The following MACF1 variants were observed in gnomAD, a reference collection of about 807,000 sequenced individuals.
The protein encoded by MACF1 is microtubule-actin cross-linking factor 1.
In MACF1, 193 loss-of-function variants were observed where a neutral mutation model predicts 854.8. The observed-to-expected ratio is 0.23, with a 90% CI of 0.20 to 0.25. The LOEUF (loss-of-function observed/expected upper bound fraction) is 0.25. Among genes scored for constraint, MACF1 ranks in the 10% least tolerant of loss-of-function variants. The pLI is 1.00. For synonymous variants in MACF1, 3,185 were observed against 3,226.7 expected (o/e 0.99, Z 0.44); for missense variants, 7,722 against 8,929.1 (o/e 0.86, Z 5.45).
intron 1 of MACF1, among the ~76,000 whole-genome samples, chr1:39,210,929 C>G (rs544917186): frequency 7.0e-6 from 1 of 143,278 alleles, no homozygotes; most frequent in Non-Finnish European, 1.5e-5. Flanking sequence ...CTCCCTCCCT[C>G]CCTCCCTCTC....
chr1:39,219,737 A>C (rs1644625747), intron 1 of MACF1, among the ~76,000 whole-genome samples: 1 of 152,176 alleles, frequency 6.6e-6, no homozygotes, highest in Non-Finnish European at 1.5e-5. Context: ...GAGTGGGAGT[A>C]CCTGCTCCCT....
At chr1:39,150,613 A>G (rs987675882) in intron 2 of MACF1, among the ~76,000 whole-genome samples, 1 of 152,194 alleles carries the variant, frequency 6.6e-6, no homozygotes, top group Admixed American at 6.5e-5. Context: ...ATTCTTGAAG[A>G]ATGGTATATA....
chr1:39,401,925 G>A (rs1642488480), intron 58 of MACF1, among the ~76,000 whole-genome samples: 1 of 151,976 alleles, frequency 6.6e-6, no homozygotes, highest in Non-Finnish European at 1.5e-5. Context: ...ATATTGAGGA[G>A]CAGGGGCTGG....
At chr1:39,139,568 CT>C (rs201522855) in intron 2 of MACF1, among the ~76,000 whole-genome samples, 9 of 149,282 alleles carry the variant, frequency 6.0e-5, no homozygotes, top group South Asian at 2.1e-4. Context: ...GTGCTTTCTG[CT>C]TTTTTTTTTC....
intron 2 of MACF1, among the ~76,000 whole-genome samples, chr1:39,196,381 C>G (rs1644320390): frequency 6.6e-6 from 1 of 152,126 alleles, no homozygotes; most frequent in Non-Finnish European, 1.5e-5. Context: ...ACCACATTGC[C>G]AAACCTTAGA....
At chr1:39,216,163 T>C (rs1365533318) in intron 1 of MACF1, among the ~76,000 whole-genome samples, 1 of 151,592 alleles carries the variant, frequency 6.6e-6, no homozygotes, top group Non-Finnish European at 1.5e-5. Context: ...ATAAAGAAAA[T>C]GTAGTGTGTC....
chr1:39,268,916 G>T, intron 6 of MACF1: 5 of 1,288,228 alleles, frequency 3.9e-6, no homozygotes, highest in Non-Finnish European at 5.1e-6. Flanking sequence ...GTCTCCAAAA[G>T]GAAGACGGAG....
chr1:39,096,588 C>CA lies in MACF1; in HGVS notation c.220+12167dup, dbSNP rs61542154. Among the ~76,000 whole-genome samples, 190 of 139,178 alleles carry CA rather than the reference C, an allele frequency of 1.4e-3. 1 individual carries two copies. The highest frequency in any genetic ancestry group is 3.1e-3 in the African/African-American group (115 of 36,902). The allele number at this position is 139,178 out of a possible 152,430, so 91.3% of individuals were successfully genotyped here. Reference sequence around the variant, plus strand: ...TTGGTGACAGAGCAAGACTCTATCTCAAAAAAAAAAAAAAAAATCAGAAAG... The same window carrying CA: ...TTGGTGACAGAGCAAGACTCTATCTCAAAAAAAAAAAAAAAAAATCAGAAAG... On this transcript the variant is annotated intron_variant, in intron 2 of 93. Coordinates refer to the MACF1 transcript ENST00000361689.
At chr1:39,250,208 A>C in intron 3 of MACF1, 105 bp downstream of exon 3, 1 of 645,026 alleles carries the variant, frequency 1.6e-6, no homozygotes, top group Non-Finnish European at 2.7e-6. Flanking sequence ...TTCATCTATT[A>C]GAGGGGAGGA....
In MACF1 at chr1:39,116,382, GTGTA is replaced by G. The variant is rs1037390372; in HGVS notation, c.220+31948_220+31951del. ...AGGAGGAAGGAAAGAAGGGGTGAGT[GTGTA>G]TGTGTGTGTGTGTGTGTGCACGTGT... On this transcript the variant is annotated intron_variant, in intron 2 of 93. Coordinates refer to the MACF1 transcript ENST00000361689. Among the ~76,000 whole-genome samples, 4 of 125,864 alleles carry G rather than the reference GTGTA, an allele frequency of 3.2e-5. No individual in the cohort carries two copies. The East Asian group carries it at 8.4e-4, about 26-fold the overall frequency. The allele number at this position is 125,864 out of a possible 152,430, so 82.6% of individuals were successfully genotyped here. A position where few individuals can be genotyped will look rare whatever the true frequency, so the allele number is the denominator to read the frequency against.
intron 2 of MACF1, among the ~76,000 whole-genome samples, chr1:39,106,808 C>A (rs937013586): frequency 2.8e-5 from 4 of 141,068 alleles, no homozygotes; most frequent in Admixed American, 2.1e-4. Context: ...CCCTCCCCCC[C>A]ACTTTTTTTT....
chr1:39,247,322 C>T (rs1021530854), intron 2 of MACF1, among the ~76,000 whole-genome samples: 6 of 152,126 alleles, frequency 3.9e-5, no homozygotes, highest in African/African-American at 4.8e-5. Flanking sequence ...CCGCCCGTCT[C>T]GGCCTCCCAA....
At position 39,452,301 on chromosome 1, in the gene MACF1, G is replaced by A; in HGVS notation, c.20564G>A (p.Cys6855Tyr). The part of the protein sequence containing the change: ...QELSTRWDTV[C>Y]KLSVSKQSRL... Reference sequence around the variant, plus strand: ...CTGAGCACTCGCTGGGACACTGTCTGTAAACTCTCTGTTTCCAAACAAAGC... The same window carrying A: ...CTGAGCACTCGCTGGGACACTGTCTATAAACTCTCTGTTTCCAAACAAAGC... Residue 6855 changes from cysteine (C) to tyrosine (Y), a missense_variant, in exon 86 of 101, where the codon TGT becomes TAT. Around this residue, in one of 15 missense-constraint regions of MACF1, gnomAD observed 729 missense variants for 900.5 expected, o/e 0.81. Coordinates refer to ENST00000564288, the MANE Select transcript of MACF1 (RefSeq NM_001394062.1). 1.2e-6 allele frequency: 2 copies of A among 1,614,146 alleles called. No homozygotes were observed. Among genetic ancestry groups the A allele is most frequent in the South Asian group, 2.2e-5 (2 of 91,076 alleles).
chr1:39,412,171 T>G (rs1301702511), intron 58 of MACF1: 3 of 1,613,828 alleles, frequency 1.9e-6, no homozygotes, highest in Non-Finnish European at 2.5e-6. Flanking sequence ...CCAGGGAGAC[T>G]GCAGTCAAAC....
intron 2 of MACF1, among the ~76,000 whole-genome samples, chr1:39,099,150 C>T (rs974392579): frequency 2.0e-5 from 3 of 152,202 alleles, no homozygotes; most frequent in African/African-American, 7.2e-5. Flanking sequence ...ACACTCACTA[C>T]TAGCAAAGAA....
rs150493282 is a variant in MACF1, at chr1:39,325,564, C to T, written c.4478+830C>T. ...GATACAATGGACTTAACTATGTTTT[C>T]GAGTAAGTCTCAAGGACAAAGGGGA... On this transcript the variant is annotated intron_variant, in intron 35 of 100. Transcript: ENST00000564288. Among the ~76,000 whole-genome samples the T allele has an allele frequency of 3.9e-5, 6 of 152,186 alleles. No homozygotes were observed. The East Asian group carries it at 9.6e-4, about 24-fold the overall frequency.
chr1:39,427,374 ATTC>A lies in MACF1; in HGVS notation c.16317-78_16317-76del, dbSNP rs1244541368. On this transcript the variant is annotated intron_variant, in intron 61 of 100. Coordinates refer to ENST00000564288, the MANE Select transcript of MACF1 (RefSeq NM_001394062.1). ...ATTTAAACTATACCTGGAAAAGACT[ATTC>A]TTTTACTGAGTATAGTACTATTACC... The A allele has an allele frequency of 4.2e-6, 5 of 1,191,894 alleles. No individual in the cohort carries two copies. The Admixed American group carries it at 6.8e-5, about 16-fold the overall frequency. The allele number at this position is 1,191,894 out of a possible 1,614,324, so 73.8% of individuals were successfully genotyped here.
intron 56 of MACF1, among the ~76,000 whole-genome samples, chr1:39,382,708 T>G (rs1372479131): frequency 1.3e-5 from 2 of 151,622 alleles, no homozygotes; most frequent in South Asian, 2.1e-4. Flanking sequence ...TTTTTTTACT[T>G]GTAATCCCCT....
At chr1:39,187,273 C>T (rs1160706669) in intron 2 of MACF1, among the ~76,000 whole-genome samples, 1 of 152,166 alleles carries the variant, frequency 6.6e-6, no homozygotes, top group Non-Finnish European at 1.5e-5. Flanking sequence ...GTTTACTGAT[C>T]TATGTACATA....
Sources: gnomAD v4.1 joint callset for allele counts (sites outside exome capture counted in the v4.1 genomes callset) on GRCh38, gnomAD v4.1.1 for gene constraint, gnomAD v4.1.1 regional missense constraint, MANE v1.5 for transcripts, NCBI Gene and HGNC (gene_info 2026-07-23, HGNC 2026-07-21) for gene names.